The following ACCSL variants were observed in gnomAD, a reference collection of about 807,000 sequenced individuals.
ACCSL encodes probable inactive 1-aminocyclopropane-1-carboxylate synthase-like protein 2.
In ACCSL, 55 loss-of-function variants were observed where a neutral mutation model predicts 61.7. The ratio of observed to expected loss-of-function variants is 0.89; its 90% CI spans 0.72 to 1.12. ACCSL has a LOEUF of 1.12. Ranked by LOEUF, ACCSL falls within the 50% of genes most tolerant of loss-of-function variation. The pLI is 0.00. For missense variants in ACCSL, 632 were observed against 698.0 expected, an observed-to-expected ratio of 0.91 and a Z score of 1.07; for synonymous variants, 258 against 264.3, an observed-to-expected ratio of 0.98 and a Z score of 0.23.
At chr11:44,052,918 G>A in intron 6 of ACCSL, 73 bp from the exon 7 acceptor site, 1 of 1,522,036 alleles carries the variant, frequency 6.6e-7, no homozygotes, top group South Asian at 1.1e-5. Context: ...GCAAAGGATT[G>A]CGGGGCTTAT....
chr11:43,965,381 A>G, the ACCSL span, among the ~76,000 whole-genome samples: 5 of 152,232 alleles, frequency 3.3e-5, no homozygotes, highest in Non-Finnish European at 4.4e-5. Flanking sequence ...ATACTTTGGA[A>G]TAAATTTAAC....
the ACCSL span, chr11:43,926,547 G>A: frequency 6.8e-4 from 307 of 453,390 alleles, no homozygotes; most frequent in Non-Finnish European, 1.2e-3. Flanking sequence ...GGTCAGATGC[G>A]GTGAGGGATA....
rs751288310 is a variant in ACCSL at position 44,053,522 on chromosome 11, C to G, written c.1049+16C>G. 1.3e-6 allele frequency: 2 copies of G among 1,595,604 alleles called. No individual in the cohort carries two copies. Among genetic ancestry groups the G allele is most frequent in the Admixed American group, 1.7e-5 (1 of 59,952 alleles). ...TTGCCAAGAGGTATGAGTTCTACCCCTTGAGACTAGGTAATGTTTCTTGAA... is the reference window on the plus strand; with the variant it reads ...TTGCCAAGAGGTATGAGTTCTACCCGTTGAGACTAGGTAATGTTTCTTGAA... On this transcript the variant is annotated intron_variant, in intron 8 of 13. Coordinates refer to ENST00000378832, the MANE Select transcript of ACCSL (RefSeq NM_001031854.2).
the ACCSL span, among the ~76,000 whole-genome samples, chr11:43,946,822 AGAGG>A: frequency 2.6e-5 from 4 of 152,146 alleles, no homozygotes; most frequent in African/African-American, 9.7e-5. Flanking sequence ...CCAGAGAGGC[AGAGG>A]GAGGGAGTTT....
chr11:43,931,161 G>A, the ACCSL span, among the ~76,000 whole-genome samples: 1 of 152,346 alleles, frequency 6.6e-6, no homozygotes, highest in Admixed American at 6.5e-5. Flanking sequence ...TGAAGGCATG[G>A]TCATGAGCCC....
intron 2 of ACCSL, 96 bp downstream of exon 2, chr11:44,050,217 G>A: frequency 2.9e-6 from 3 of 1,038,904 alleles, no homozygotes; most frequent in Non-Finnish European, 4.5e-6. Flanking sequence ...GTGAGACATA[G>A]GAGCCTGGGA....
chr11:43,986,967 G>T, the ACCSL span, among the ~76,000 whole-genome samples: 1 of 152,180 alleles, frequency 6.6e-6, no homozygotes, highest in African/African-American at 2.4e-5. Flanking sequence ...GCCAGAGACA[G>T]TGTGATTCCA....
the ACCSL span, among the ~76,000 whole-genome samples, chr11:43,996,309 C>T: frequency 1.3e-5 from 2 of 152,150 alleles, no homozygotes; most frequent in East Asian, 1.9e-4. Flanking sequence ...TAATATGGTT[C>T]GATTGATGTC....
At chr11:44,020,998 T>G in the ACCSL span, among the ~76,000 whole-genome samples, 1 of 152,194 alleles carries the variant, frequency 6.6e-6, no homozygotes, top group African/African-American at 2.4e-5. Context: ...ATGGTGTGTG[T>G]ATATGTATCA....
the ACCSL span, among the ~76,000 whole-genome samples, chr11:43,935,259 C>G: frequency 6.6e-6 from 1 of 151,342 alleles, no homozygotes; most frequent in African/African-American, 2.5e-5. Context: ...CACACACACG[C>G]ATACACACAT....
the ACCSL span, among the ~76,000 whole-genome samples, chr11:43,988,550 C>T: frequency 3.3e-5 from 5 of 150,562 alleles, 1 homozygote; most frequent in Admixed American, 1.3e-4. Flanking sequence ...GCACACAGGC[C>T]GAATGTTAGA....
chr11:43,973,929 C>T, the ACCSL span: 5 of 152,288 alleles, frequency 3.3e-5, no homozygotes, highest in East Asian at 1.9e-4. Context: ...GAAGAGCCAA[C>T]GTACTAAGGT....
At chr11:43,987,832 T>A in the ACCSL span, among the ~76,000 whole-genome samples, 1 of 152,116 alleles carries the variant, frequency 6.6e-6, no homozygotes, top group African/African-American at 2.4e-5. Context: ...CCGACAGAAG[T>A]TGGTCTGTGG....
chr11:44,044,156 C>T (rs148023632), upstream of ACCSL, among the ~76,000 whole-genome samples: 3 of 152,278 alleles, frequency 2.0e-5, no homozygotes, highest in Middle Eastern at 3.4e-3. Flanking sequence ...AACCCAATCT[C>T]AGAACTTGAG....
At chr11:44,036,387 G>A in the ACCSL span, among the ~76,000 whole-genome samples, 1 of 152,210 alleles carries the variant, frequency 6.6e-6, no homozygotes, top group Non-Finnish European at 1.5e-5. Flanking sequence ...GAACCTCGCT[G>A]GGCCTCAGTT....
chr11:44,058,613 T>C lies in ACCSL; in HGVS notation c.1538T>C (p.Leu513Ser). 1 of 1,614,114 alleles carries C rather than the reference T, an allele frequency of 6.2e-7. No individual in the cohort carries two copies. The highest frequency in any genetic ancestry group is 8.5e-7 in the Non-Finnish European group (1 of 1,180,010). ...TGCCGCTTCCTGGACAACAAGCTAT[T>C]GTTATCCCGTGGCAAAACCTACATG... ...LYCRFLDNKL[L>S]LSRGKTYMCK... The change falls in exon 13 of 14, where the codon TTG (leucine) becomes TCG (serine). Residue 513 changes from leucine to serine, a missense_variant. Leu to Ser is a moderately radical substitution (Grantham distance 145). Transcript: ENST00000378832.
chr11:43,931,867 CAG>C, the ACCSL span, among the ~76,000 whole-genome samples: 2 of 152,256 alleles, frequency 1.3e-5, no homozygotes, highest in African/African-American at 4.8e-5. Context: ...CTGTCTCAAA[CAG>C]GGTGCACCAG....
intron 8 of ACCSL, among the ~76,000 whole-genome samples, chr11:44,054,464 T>G (rs1420329180): frequency 1.3e-5 from 2 of 151,580 alleles, no homozygotes; most frequent in Non-Finnish European, 2.9e-5. Flanking sequence ...TTTTTTGTTT[T>G]TTGTTTTTTT....
At chr11:43,924,555 C>T in the ACCSL span, among the ~76,000 whole-genome samples, 3 of 152,244 alleles carry the variant, frequency 2.0e-5, no homozygotes, top group East Asian at 3.8e-4. Context: ...GGCCGGAGGC[C>T]GGGAACCCAG....
Sources: gnomAD v4.1 joint callset for allele counts (sites outside exome capture counted in the v4.1 genomes callset) on GRCh38, gnomAD v4.1.1 for gene constraint, MANE v1.5 for transcripts, NCBI Gene and HGNC (gene_info 2026-07-23, HGNC 2026-07-21) for gene names.